The following DOCK9 variants were observed in gnomAD, a reference collection of about 807,000 sequenced individuals.
The protein encoded by DOCK9 is dedicator of cytokinesis protein 9.
In DOCK9, 89 loss-of-function variants were observed where a neutral mutation model predicts 263.3. The ratio of observed to expected loss-of-function variants is 0.34; its 90% confidence interval spans 0.28 to 0.40. The LOEUF is 0.40. DOCK9 is among the 10% of genes least tolerant of loss of function. The pLI is 1.00. For missense variants in DOCK9, 2,140 were observed against 2,603.4 expected (o/e 0.82, Z 3.87); for synonymous variants, 976 against 973.1 (o/e 1.00, Z -0.06).
rs1281750647 is a variant in DOCK9 at position 99,064,033 on chromosome 13, T to C, written c.129+22190A>G. 2.0e-5 allele frequency among the ~76,000 whole-genome samples: 3 copies of C among 152,346 alleles called. No individual in the cohort carries two copies. The East Asian group carries it at 5.8e-4, about 29-fold the overall frequency. On this transcript the variant is annotated intron_variant, in intron 1 of 32. Transcript: ENST00000427887. ...ACTAAGACCTGTAGATCTTCTTCCA[T>C]TTGAGGTAAACTCTCCTTTATCCTC...
chr13:98,830,454 TC>T (rs2092713894), intron 41 of DOCK9, among the ~76,000 whole-genome samples: 2 of 152,194 alleles, frequency 1.3e-5, no homozygotes, highest in African/African-American at 4.8e-5. Flanking sequence ...AACACAGGAG[TC>T]CAGAAGATCT....
At chr13:98,899,582 G>A (rs185532472) in intron 13 of DOCK9, among the ~76,000 whole-genome samples, 7 of 152,286 alleles carry the variant, frequency 4.6e-5, no homozygotes, top group East Asian at 1.9e-4. Context: ...TGGGTGGGGC[G>A]ACTTAGTGGG....
intron 1 of DOCK9, among the ~76,000 whole-genome samples, chr13:99,043,956 C>T (rs1381846396): frequency 6.6e-6 from 1 of 152,162 alleles, no homozygotes; most frequent in African/African-American, 2.4e-5. Context: ...GCACCAGAGG[C>T]CTCTAATAAA....
chr13:98,851,860 TAGG>T (rs1356747666), intron 35 of DOCK9, among the ~76,000 whole-genome samples: 1 of 151,898 alleles, frequency 6.6e-6, no homozygotes, highest in Non-Finnish European at 1.5e-5. Context: ...ACCCTGGGAG[TAGG>T]AGAAGATTTC....
chr13:98,929,297 C>T (rs991264006), intron 3 of DOCK9, among the ~76,000 whole-genome samples: 8 of 152,206 alleles, frequency 5.3e-5, no homozygotes, highest in African/African-American at 1.9e-4. Context: ...AATCCTAGCA[C>T]TTTGGGAGGC....
At chr13:98,888,280 G>A in intron 17 of DOCK9, 57 bp from the exon 18 acceptor site, 6 of 1,603,016 alleles carry the variant, frequency 3.7e-6, no homozygotes, top group Non-Finnish European at 5.1e-6. Context: ...GACTATGTAA[G>A]TATTTATAAA....
intron 1 of DOCK9, among the ~76,000 whole-genome samples, chr13:99,064,237 T>G (rs1384458983): frequency 6.6e-6 from 1 of 152,056 alleles, no homozygotes; most frequent in Admixed American, 6.5e-5. Flanking sequence ...ATGGCCACAA[T>G]AGGAAGCTGA....
intron 2 of DOCK9, among the ~76,000 whole-genome samples, chr13:98,942,219 T>TG (rs1366675622): frequency 1.5e-5 from 2 of 132,596 alleles, no homozygotes; most frequent in Non-Finnish European, 3.1e-5. Context: ...TCTCTGGTTA[T>TG]GTTTTTTTTT....
chr13:98,887,889 G>A (rs1228288048), intron 18 of DOCK9, among the ~76,000 whole-genome samples: 3 of 152,006 alleles, frequency 2.0e-5, no homozygotes, highest in Non-Finnish European at 4.4e-5. Context: ...TGGCTCATAG[G>A]TGAACAGTAA....
intron 18 of DOCK9, among the ~76,000 whole-genome samples, chr13:98,887,162 T>A: frequency 7.7e-6 from 1 of 130,440 alleles, no homozygotes; most frequent in African/African-American, 2.8e-5. Flanking sequence ...TTTTTTTTTT[T>A]TTTTTGCATC....
chr13:98,859,119 A>G (rs571460921), intron 33 of DOCK9: 1 of 152,226 alleles, frequency 6.6e-6, no homozygotes, highest in African/African-American at 2.4e-5. Context: ...CTTTAAAGCT[A>G]GTGCTGTGAA....
At chr13:99,030,746 T>C (rs1171664433) in intron 1 of DOCK9, among the ~76,000 whole-genome samples, 1 of 152,190 alleles carries the variant, frequency 6.6e-6, no homozygotes, top group Non-Finnish European at 1.5e-5. Context: ...AAATACATCA[T>C]GTACATCACT....
At chr13:98,953,072 A>C (rs1442180644) in intron 2 of DOCK9, among the ~76,000 whole-genome samples, 1 of 152,222 alleles carries the variant, frequency 6.6e-6, no homozygotes, top group Non-Finnish European at 1.5e-5. Context: ...TCATCCAGCT[A>C]ATTAGACAGT....
chr13:98,860,881 C>G (rs113048600), intron 32 of DOCK9, among the ~76,000 whole-genome samples: 1 of 152,166 alleles, frequency 6.6e-6, no homozygotes, highest in Non-Finnish European at 1.5e-5. Flanking sequence ...AGAAAGCCTC[C>G]CCTGCTCTTT....
intron 1 of DOCK9, chr13:99,015,419 CT>C: frequency 6.5e-7 from 1 of 1,544,452 alleles, no homozygotes; most frequent in African/African-American, 1.4e-5. Flanking sequence ...CATTAAACTA[CT>C]TGTTAATTAA....
chr13:98,902,502 CA>C lies in DOCK9; in HGVS notation c.1177-12del, dbSNP rs757466514. 1.2e-6 allele frequency: 2 copies of C among 1,610,810 alleles called. No individual in the cohort carries two copies. The highest frequency in any genetic ancestry group is 1.1e-5 in the South Asian group (1 of 90,514). ...AAAGAAAGGTTCAACCTGAACAAAA[CA>C]AAACAATCCAATGATCACCATGGCT... On this transcript the variant is annotated splice_polypyrimidine_tract_variant and intron_variant, in intron 11 of 52. Transcript: ENST00000682017.
At chr13:98,966,072 T>C (rs1324298413) in intron 1 of DOCK9, among the ~76,000 whole-genome samples, 1 of 152,228 alleles carries the variant, frequency 6.6e-6, no homozygotes, top group Non-Finnish European at 1.5e-5. Flanking sequence ...AAGGAAAACC[T>C]ACACAACTCC....
Position 98,863,195 on chromosome 13 carries a change from C to G in DOCK9, c.3466-63G>C, listed in dbSNP as rs570688221. ...TTCTGAGAACCGAACTAAGTTGGTG[C>G]TGACCATCTCCTTTATTTGGATCCT... is the stretch of plus-strand genomic sequence containing the variant. On this transcript the variant is annotated intron_variant, in intron 31 of 52. Transcript: ENST00000682017. 18 of 1,511,146 alleles carry G rather than the reference C, an allele frequency of 1.2e-5. No homozygotes were observed. In the South Asian group the frequency reaches 1.7e-4, roughly 14 times the overall value. The allele number at this position is 1,511,146 out of a possible 1,614,324, so 93.6% of individuals were successfully genotyped here.
chr13:99,006,727 T>C (rs1347174203), intron 1 of DOCK9, among the ~76,000 whole-genome samples: 6 of 152,220 alleles, frequency 3.9e-5, no homozygotes, highest in Non-Finnish European at 8.8e-5. Context: ...TTATTCTTCT[T>C]TGTGGTCTCT....
Sources: allele counts gnomAD v4.1 joint callset (sites outside exome capture counted in the v4.1 genomes callset), GRCh38; gene constraint gnomAD v4.1.1; transcripts MANE v1.5; gene names NCBI Gene and HGNC (gene_info 2026-07-23, HGNC 2026-07-21).